SETD2: variants seen among roughly 807,000 people sequenced by gnomAD.
SETD2 encodes the protein SET domain containing 2, histone lysine methyltransferase.
A neutral mutation model predicts 242.1 loss-of-function variants in SETD2; 31 were observed. The observed-to-expected ratio is 0.13, with a 90% CI of 0.10 to 0.17. The LOEUF (loss-of-function observed/expected upper bound fraction) is 0.17. Ranked by LOEUF, SETD2 falls within the 10% of genes least tolerant of loss-of-function variation. The pLI, the probability that SETD2 is intolerant of heterozygous loss-of-function variation, is 1.00. For missense variants in SETD2, 2,481 were observed against 3,046.3 expected, an observed-to-expected ratio of 0.81 and a Z score of 4.37; for synonymous variants, 1,006 against 1,066.5, an observed-to-expected ratio of 0.94 and a Z score of 1.11.
rs1370793484 is a variant in SETD2 at position 47,063,983 on chromosome 3, G to A, written c.6110-1637C>T. ...GGGCGACAGAGCTAGACTCCATCTC[G>A]GGAGGAAAAAAAAAAACAACAACTA... On this transcript the variant is annotated intron_variant, in intron 13 of 20. Coordinates refer to ENST00000409792, the MANE Select transcript of SETD2 (RefSeq NM_014159.7). Among the ~76,000 whole-genome samples, 4 of 40,186 alleles carry A rather than the reference G, an allele frequency of 1.0e-4. No individual in the cohort carries two copies. The East Asian group carries it at 1.2e-3, about 12-fold the overall frequency. 26.4% of individuals were successfully genotyped at this position (40,186 alleles called of 152,430 possible).
At chr3:47,155,840 TG>T (rs200483216) in intron 1 of SETD2, among the ~76,000 whole-genome samples, 22 of 151,990 alleles carry the variant, frequency 1.4e-4, no homozygotes, top group African/African-American at 4.6e-4. Context: ...TTGTTTTTGT[TG>T]TTTTTTTTTT....
intron 18 of SETD2, among the ~76,000 whole-genome samples, chr3:47,022,973 T>C (rs2038299327): frequency 6.6e-6 from 1 of 152,214 alleles, no homozygotes; most frequent in African/African-American, 2.4e-5. Context: ...ATTATAAATA[T>C]TGACATGACT....
chr3:47,054,020 G>A (rs1053319498), intron 15 of SETD2, among the ~76,000 whole-genome samples: 3 of 152,228 alleles, frequency 2.0e-5, no homozygotes, highest in Non-Finnish European at 2.9e-5. Context: ...CACAGTAAAT[G>A]ATAAACCAGG....
chr3:47,118,024 T>A (rs550553406), intron 3 of SETD2, among the ~76,000 whole-genome samples: 2 of 152,356 alleles, frequency 1.3e-5, no homozygotes, highest in East Asian at 1.9e-4. Context: ...ATCTCCTACC[T>A]CTAATCTGCT....
Position 47,124,115 on chromosome 3 carries a change from G to T in SETD2, c.521C>A (p.Pro174Gln), listed in dbSNP as rs2106720497. The T allele has an allele frequency of 6.4e-7, 1 of 1,551,968 alleles. No homozygotes were observed. Among genetic ancestry groups the T allele is most frequent in the Non-Finnish European group, 8.7e-7 (1 of 1,147,046 alleles). ...ASPPTHAAPL[P>Q]AVIAESTTVD... is the part of the protein sequence containing the mutation. The stretch of plus-strand genomic sequence containing the variant: ...AGTTGTTGATTCTGCTATCACTGCT[G>T]GTAATGGTGCTGCATGAGTAGGTGG... The change falls in exon 3 of 21, where the codon CCA (proline) becomes CAA (glutamine). Residue 174 changes from proline to glutamine, a missense_variant. Pro to Gln is a moderately conservative substitution (Grantham distance 76, BLOSUM62 -1). Around this residue, in one of 17 missense-constraint regions of SETD2, gnomAD observed 334 missense variants for 374.5 expected, o/e 0.89. Coordinates refer to ENST00000409792, the MANE Select transcript of SETD2 (RefSeq NM_014159.7).
chr3:47,067,145 T>TC (rs776818593), intron 12 of SETD2, 27 bp from the exon 13 acceptor site: 2 of 1,577,398 alleles, frequency 1.3e-6, no homozygotes. Context: ...AGAGGGAGGG[T>TC]TATTAGTGAG....
intron 16 of SETD2, among the ~76,000 whole-genome samples, chr3:47,045,611 T>C: frequency 6.9e-6 from 1 of 144,092 alleles, no homozygotes; most frequent in Non-Finnish European, 1.5e-5. Flanking sequence ...GACAGGAGAA[T>C]CACTCGAACC....
Position 47,142,213 on chromosome 3 carries a change from T to C in SETD2, c.72-15550A>G, listed in dbSNP as rs185719390. ...TAATTACGAACTTTGATCTAAAAGATCATAATAATGGGCTGGACGTGGTAG... is the reference window on the plus strand; with the variant it reads ...TAATTACGAACTTTGATCTAAAAGACCATAATAATGGGCTGGACGTGGTAG... On this transcript the variant is annotated intron_variant, in intron 1 of 20. Coordinates refer to ENST00000409792, the MANE Select transcript of SETD2 (RefSeq NM_014159.7). Among the ~76,000 whole-genome samples the C allele has an allele frequency of 9.9e-5, 15 of 152,236 alleles. 1 individual carries two copies. The highest frequency in any genetic ancestry group is 6.2e-4 in the South Asian group (3 of 4,822).
intron 1 of SETD2, among the ~76,000 whole-genome samples, chr3:47,127,395 T>C (rs1349983638): frequency 6.7e-6 from 1 of 150,150 alleles, no homozygotes; most frequent in Admixed American, 6.6e-5. Context: ...TTTTGAAGAA[T>C]ACATTTGTGA....
rs770211227 is a variant in SETD2 at position 47,037,671 on chromosome 3, T to C, written c.7345A>G (p.Met2449Val). The change falls in exon 18 of 21, where the codon ATG becomes GTG. Residue 2449 changes from methionine to valine, a missense_variant. Around this residue, in one of 17 missense-constraint regions of SETD2, gnomAD observed 40 missense variants for 89.5 expected, o/e 0.45. Transcript: ENST00000409792. Reference protein sequence around the residue: ...LGTPTYDENPMKASKKPKTAE... With the variant: ...LGTPTYDENPVKASKKPKTAE... ...CATGTGTAAGCCACACTCACCTTCA[T>C]GGGGTTTTCATCATATGTTGGAGTT... 9 of 1,611,178 alleles carry C rather than the reference T, an allele frequency of 5.6e-6. No homozygotes were observed. The highest frequency in any genetic ancestry group is 7.6e-6 in the Non-Finnish European group (9 of 1,177,714).
rs145698684 is a variant in SETD2 at position 47,124,915 on chromosome 3, T to A, written c.88-367A>T. 3.6e-3 allele frequency among the ~76,000 whole-genome samples: 543 copies of A among 152,288 alleles called. 4 individuals carry two copies. The highest frequency in any genetic ancestry group is 0.012 in the African/African-American group (519 of 41,544). On this transcript the variant is annotated intron_variant, in intron 2 of 20. Coordinates refer to ENST00000409792, the MANE Select transcript of SETD2 (RefSeq NM_014159.7). ...AAAGACATTTGTATAAAGGGCAATATCTAACATCTCAGTACTCAATATGGT... is the reference window on the plus strand; with the variant it reads ...AAAGACATTTGTATAAAGGGCAATAACTAACATCTCAGTACTCAATATGGT...
Position 47,084,232 on chromosome 3 carries a change from G to A in SETD2, c.5548C>T (p.Arg1850Cys), listed in dbSNP as rs376063996. ...GGTGTGTTGAGTGGTGTATGAGCAC[G>A]CGATGTATTCTCACTAGAATACCCA... ...GDGYSSENTS[R>C]AHTPLNTPDP... Residue 1850 changes from arginine (R) to cysteine (C), a missense_variant, in exon 12 of 21, where the codon CGT becomes TGT. Physicochemically the swap from Arg to Cys is radical, Grantham distance 180. This residue lies in a region of SETD2 where 203 missense variants were observed against 222.4 expected (regional missense o/e 0.91). Coordinates refer to ENST00000409792, the MANE Select transcript of SETD2 (RefSeq NM_014159.7). 4 of 1,614,056 alleles carry A rather than the reference G, an allele frequency of 2.5e-6. No homozygotes were observed. Among genetic ancestry groups the A allele is most frequent in the East Asian group, 2.2e-5 (1 of 44,866 alleles).
chr3:47,068,595 C>G (rs942196165), intron 12 of SETD2, among the ~76,000 whole-genome samples: 2 of 148,340 alleles, frequency 1.3e-5, no homozygotes, highest in Admixed American at 1.4e-4. Flanking sequence ...CTCCTGGGTT[C>G]AAGCAATTCT....
At chr3:47,142,441 C>CAAGG (rs2043752034) in intron 1 of SETD2, among the ~76,000 whole-genome samples, 1 of 151,868 alleles carries the variant, frequency 6.6e-6, no homozygotes. Context: ...CCCCAGAGGC[C>CAAGG]AAGGGTGCAG....
At chr3:47,101,799 C>T (rs1454442890) in intron 7 of SETD2, among the ~76,000 whole-genome samples, 3 of 151,622 alleles carry the variant, frequency 2.0e-5, no homozygotes, top group Non-Finnish European at 4.4e-5. Context: ...ATCTCTAATT[C>T]GTCTCTAATA....
chr3:47,109,297 A>T (rs758607107), intron 5 of SETD2, among the ~76,000 whole-genome samples: 1 of 152,242 alleles, frequency 6.6e-6, no homozygotes, highest in Non-Finnish European at 1.5e-5. Flanking sequence ...AGTGGTGCTT[A>T]CATGGACACT....
chr3:47,085,367 A>G (rs903787055), intron 11 of SETD2, among the ~76,000 whole-genome samples: 1 of 152,254 alleles, frequency 6.6e-6, no homozygotes, highest in African/African-American at 2.4e-5. Flanking sequence ...CAACATATTT[A>G]AATGATGTCT....
chr3:47,017,397 G>A lies in SETD2; in HGVS notation c.7534-143C>T. On this transcript the variant is annotated intron_variant, in intron 20 of 20. Transcript: ENST00000409792. This position sits in a 1 kb window ranked among gnomAD's most constrained non-coding sequence, Gnocchi z 4.8. ...AAGTTAATAAGGGGGTAGATGTTGG[G>A]GCAGGCTGGTGCTATGATCACCAGA... 3.3e-6 allele frequency: 3 copies of A among 897,042 alleles called. No homozygotes were observed. In the South Asian group the frequency reaches 5.1e-5, roughly 15 times the overall value. 55.6% of individuals were successfully genotyped at this position (897,042 alleles called of 1,614,324 possible). A position where few individuals can be genotyped will look rare whatever the true frequency, so the allele number is the denominator to read the frequency against.
At chr3:47,069,589 C>T (rs1371913406) in intron 12 of SETD2, among the ~76,000 whole-genome samples, 1 of 152,340 alleles carries the variant, frequency 6.6e-6, no homozygotes, top group South Asian at 2.1e-4. Context: ...CACCCCTCCC[C>T]ACAAGAGAGA....
Sources: allele counts gnomAD v4.1 joint callset (sites outside exome capture counted in the v4.1 genomes callset), GRCh38; gene constraint gnomAD v4.1.1; regional missense constraint gnomAD v4.1.1; non-coding constraint Gnocchi (gnomAD v3.1); transcripts MANE v1.5; gene names NCBI Gene and HGNC (gene_info 2026-07-23, HGNC 2026-07-21).